Variants in HDAC9 observed in about 807,000 individuals in gnomAD.
HDAC9 encodes the protein histone deacetylase 9.
HDAC9 carries 41 observed loss-of-function variants against 139.4 expected under a neutral mutation model. The observed-to-expected ratio is 0.29, with a 90% CI of 0.23 to 0.38. The LOEUF is 0.38. HDAC9 is among the 10% of genes least tolerant of loss of function. HDAC9 has a pLI of 1.00. For synonymous variants in HDAC9, 517 were observed against 476.2 expected, an observed-to-expected ratio of 1.09 and a Z score of -1.12; for missense variants, 1,147 against 1,297.0, an observed-to-expected ratio of 0.88 and a Z score of 1.78.
At chr7:18,905,408 G>A (rs553582168) in intron 22 of HDAC9, among the ~76,000 whole-genome samples, 6 of 152,314 alleles carry the variant, frequency 3.9e-5, no homozygotes, top group East Asian at 1.9e-4. Flanking sequence ...GCTTCTTCAC[G>A]TAGATTTTTG....
chr7:18,627,020 T>A (rs897444659), intron 6 of HDAC9, among the ~76,000 whole-genome samples: 6 of 152,176 alleles, frequency 3.9e-5, no homozygotes, highest in African/African-American at 1.4e-4. Context: ...ACCAATAATA[T>A]GTTTCATAAA....
intron 22 of HDAC9, among the ~76,000 whole-genome samples, chr7:18,906,533 G>C (rs2129285909): frequency 6.6e-6 from 1 of 152,290 alleles, no homozygotes; most frequent in Admixed American, 6.5e-5. Flanking sequence ...AGATAATATA[G>C]TTTTCTGCCC....
chr7:18,263,248 A>G (rs924615581), intron 2 of HDAC9, among the ~76,000 whole-genome samples: 4 of 152,104 alleles, frequency 2.6e-5, no homozygotes, highest in Non-Finnish European at 5.9e-5. Flanking sequence ...GACCCAATAG[A>G]TTTTTTTTAA....
intron 22 of HDAC9, among the ~76,000 whole-genome samples, chr7:18,921,813 G>T (rs1247566228): frequency 6.6e-6 from 1 of 152,024 alleles, no homozygotes; most frequent in Non-Finnish European, 1.5e-5. Flanking sequence ...CAATAGCAAA[G>T]ACTTGGAACC....
chr7:18,256,245 C>T lies in HDAC9; in HGVS notation c.25+93896C>T, dbSNP rs757053441. Among the ~76,000 whole-genome samples the T allele has an allele frequency of 9.9e-5, 15 of 151,954 alleles. No homozygotes were observed. The East Asian group carries it at 1.5e-3, about 16-fold the overall frequency. On this transcript the variant is annotated intron_variant, in intron 2 of 12. Coordinates refer to the HDAC9 transcript ENST00000417496. Reference sequence around the variant, plus strand: ...CAGAAAGTAATATTGATTCTGACTACGTGGAAAGTGGGGTGGTAGGTGAAG... The same window carrying T: ...CAGAAAGTAATATTGATTCTGACTATGTGGAAAGTGGGGTGGTAGGTGAAG...
intron 2 of HDAC9, among the ~76,000 whole-genome samples, chr7:18,525,687 A>G (rs955849622): frequency 6.6e-6 from 1 of 152,140 alleles, no homozygotes; most frequent in African/African-American, 2.4e-5. Context: ...CATAGAATAT[A>G]TTAATCCTTG....
intron 1 of HDAC9, among the ~76,000 whole-genome samples, chr7:18,144,424 C>T (rs1333804540): frequency 2.0e-5 from 3 of 152,172 alleles, no homozygotes; most frequent in Non-Finnish European, 2.9e-5. Context: ...TCTTTTGGCC[C>T]TGTGGGTCCT....
rs568998242 is a variant in HDAC9, at chr7:18,756,540, G to A, written c.2044-5617G>A. On this transcript the variant is annotated intron_variant, in intron 14 of 25. Coordinates refer to ENST00000686413, the MANE Select transcript of HDAC9 (RefSeq NM_178425.4). Reference sequence around the variant, plus strand: ...ATCATTGCAATTATTTTATTTGCTTGCCTAAGGCAAATGCATAAATCAAAG... The same window carrying A: ...ATCATTGCAATTATTTTATTTGCTTACCTAAGGCAAATGCATAAATCAAAG... Among the ~76,000 whole-genome samples, 5 of 152,278 alleles carry A rather than the reference G, an allele frequency of 3.3e-5. No homozygotes were observed. The East Asian group carries it at 9.6e-4, about 29-fold the overall frequency.
At chr7:18,769,001 C>G (rs536549145) in intron 16 of HDAC9, among the ~76,000 whole-genome samples, 1 of 152,228 alleles carries the variant, frequency 6.6e-6, no homozygotes, top group African/African-American at 2.4e-5. Context: ...ATAAGGTAGG[C>G]TAGGCTAAGC....
intron 19 of HDAC9, among the ~76,000 whole-genome samples, chr7:18,831,926 C>T (rs1052337141): frequency 2.0e-5 from 3 of 152,200 alleles, no homozygotes; most frequent in African/African-American, 7.2e-5. Context: ...GCAGTTTCAG[C>T]ATTTTTATAT....
At position 18,591,514 on chromosome 7, in the gene HDAC9, A is replaced by C; in HGVS notation, c.416-2A>C. On this transcript the variant is annotated splice_acceptor_variant, in intron 4 of 25. Transcript: ENST00000686413. LOFTEE classifies it high-confidence loss of function. ...GTGTGTGTGTGTGTGTGTGTATTTCAGGGGCAGTGGCAAGTACAGAAGTAA... is the reference window on the plus strand; with the variant it reads ...GTGTGTGTGTGTGTGTGTGTATTTCCGGGGCAGTGGCAAGTACAGAAGTAA... 1 of 1,558,036 alleles carries C rather than the reference A, an allele frequency of 6.4e-7. No homozygotes were observed. The highest frequency in any genetic ancestry group is 8.7e-7 in the Non-Finnish European group (1 of 1,155,558).
At chr7:18,713,428 G>T (rs898397490) in intron 12 of HDAC9, among the ~76,000 whole-genome samples, 75 of 152,096 alleles carry the variant, frequency 4.9e-4, no homozygotes, top group African/African-American at 1.8e-3. Context: ...AATTAAGTAC[G>T]TGAGGTAACA....
At position 18,996,443 on chromosome 7, in the gene HDAC9, A is replaced by C. The variant is rs1331869323; in HGVS notation, c.*381A>C. The C allele has an allele frequency of 1.2e-5, 2 of 168,000 alleles. No individual in the cohort carries two copies. The highest frequency in any genetic ancestry group is 1.2e-4 in the Admixed American group (2 of 16,884). The allele number at this position is 168,000 out of a possible 1,614,324, so 10.4% of individuals were successfully genotyped here. A position where few individuals can be genotyped will look rare whatever the true frequency, so the allele number is the denominator to read the frequency against. ...CCAGTGAAATTTTGGGCAAAACCTG[A>C]GACATAGTCATTCCTGACATTCTGA... On this transcript the variant is annotated 3_prime_UTR_variant, in exon 26 of 26. Coordinates refer to ENST00000686413, the MANE Select transcript of HDAC9 (RefSeq NM_178425.4).
chr7:18,109,844 T>C (rs557084648), intron 1 of HDAC9, among the ~76,000 whole-genome samples: 2 of 152,360 alleles, frequency 1.3e-5, no homozygotes, highest in South Asian at 2.1e-4. Flanking sequence ...AAATACTTTT[T>C]GTGATTCTCC....
At chr7:18,896,874 T>C (rs1801249699) in intron 22 of HDAC9, among the ~76,000 whole-genome samples, 1 of 151,986 alleles carries the variant, frequency 6.6e-6, no homozygotes, top group African/African-American at 2.4e-5. Context: ...CTACAATGGG[T>C]ATCTATGGAG....
At chr7:18,442,330 A>G (rs557736717) in intron 1 of HDAC9, among the ~76,000 whole-genome samples, 1 of 152,154 alleles carries the variant, frequency 6.6e-6, no homozygotes, top group Non-Finnish European at 1.5e-5. Flanking sequence ...AAGATACATT[A>G]TTTTGTTGTA....
intron 12 of HDAC9, among the ~76,000 whole-genome samples, chr7:18,698,230 A>C (rs1248768680): frequency 6.6e-6 from 1 of 152,116 alleles, no homozygotes; most frequent in Non-Finnish European, 1.5e-5. Context: ...TTTATTTTTC[A>C]AGTTGAAAGG....
intron 2 of HDAC9, among the ~76,000 whole-genome samples, chr7:18,514,552 T>C (rs544987931): frequency 2.6e-5 from 4 of 152,370 alleles, no homozygotes; most frequent in South Asian, 2.1e-4. Flanking sequence ...CAGTTAAATA[T>C]TAACACTTAA....
At chr7:18,554,327 C>CACTTT (rs1818091512) in intron 2 of HDAC9, among the ~76,000 whole-genome samples, 1 of 58,284 alleles carries the variant, frequency 1.7e-5, no homozygotes, top group African/African-American at 7.3e-5. Context: ...TTACAGATCA[C>CACTTT]TTTTTTTTTT....
Sources: gnomAD v4.1 joint callset for allele counts (sites outside exome capture counted in the v4.1 genomes callset) on GRCh38, gnomAD v4.1.1 for gene constraint, MANE v1.5 for transcripts, NCBI Gene and HGNC (gene_info 2026-07-23, HGNC 2026-07-21) for gene names.